IL1RAPL2: variants seen among roughly 807,000 people sequenced by gnomAD.
IL1RAPL2 encodes interleukin 1 receptor accessory protein like 2, also known as X-linked interleukin-1 receptor accessory protein-like 2.
IL1RAPL2 carries 3 observed loss-of-function variants against 44.1 expected under a neutral mutation model. That is an observed-to-expected ratio of 0.07 (90% CI 0.03 to 0.18). The LOEUF (loss-of-function observed/expected upper bound fraction) is 0.18, where lower values mean the gene tolerates loss of function less well. IL1RAPL2 is among the 10% of genes least tolerant of loss of function. The pLI is 1.00. For synonymous variants in IL1RAPL2, 181 were observed against 178.8 expected, an observed-to-expected ratio of 1.01 and a Z score of -0.10; for missense variants, 391 against 496.4, an observed-to-expected ratio of 0.79 and a Z score of 2.02.
chrX:105,240,563 C>T (rs1179263727), intron 4 of IL1RAPL2, among the ~76,000 whole-genome samples: 2 of 111,633 alleles, frequency 1.8e-5, no homozygotes, highest in Non-Finnish European at 3.8e-5. Flanking sequence ...CCTTTCCAAC[C>T]TTCTAAAAGA....
intron 2 of IL1RAPL2, among the ~76,000 whole-genome samples, chrX:104,879,365 T>TAAAAAAAAAA (rs753494292): frequency 3.2e-5 from 1 of 31,029 alleles, no homozygotes; most frequent in Non-Finnish European, 5.5e-5. Context: ...GCAAAACTAG[T>TAAAAAAAAAA]AAAAAAAAAA....
At chrX:104,845,498 G>C (rs1206358870) in intron 2 of IL1RAPL2, among the ~76,000 whole-genome samples, 1 of 111,957 alleles carries the variant, frequency 8.9e-6, no homozygotes, top group Non-Finnish European at 1.9e-5. Flanking sequence ...GAAAAAATGA[G>C]GATTACATAA....
chrX:105,051,017 G>A (rs1569370266), intron 2 of IL1RAPL2, among the ~76,000 whole-genome samples: 1 of 112,412 alleles, frequency 8.9e-6, no homozygotes, highest in Admixed American at 9.3e-5. Flanking sequence ...TGATTGGTCC[G>A]AGGGAAGCCA....
chrX:104,642,563 C>T (rs1196098437), intron 1 of IL1RAPL2, among the ~76,000 whole-genome samples: 1 of 110,718 alleles, frequency 9.0e-6, no homozygotes, highest in Non-Finnish European at 1.9e-5. Context: ...CGGCTCACTG[C>T]AACCTCCACC....
intron 2 of IL1RAPL2, among the ~76,000 whole-genome samples, chrX:104,710,137 T>C (rs1226313748): frequency 1.8e-5 from 2 of 110,981 alleles, no homozygotes; most frequent in Admixed American, 1.9e-4. Flanking sequence ...CTCTTAGATA[T>C]ATATGTGAAA....
intron 2 of IL1RAPL2, among the ~76,000 whole-genome samples, chrX:104,950,492 G>A (rs1255970609): frequency 8.9e-6 from 1 of 112,462 alleles, no homozygotes; most frequent in Non-Finnish European, 1.9e-5. Context: ...GCTGTGGTGG[G>A]CTCCACCCAT....
At chrX:104,991,809 C>T (rs1019934559) in intron 2 of IL1RAPL2, among the ~76,000 whole-genome samples, 2 of 111,675 alleles carry the variant, frequency 1.8e-5, no homozygotes, top group South Asian at 7.5e-4. Context: ...ATTATAAAAG[C>T]ATGCTGTGAT....
chrX:105,255,575 G>T (rs757127613), intron 4 of IL1RAPL2, among the ~76,000 whole-genome samples: 11 of 111,932 alleles, frequency 9.8e-5, no homozygotes, highest in Non-Finnish European at 1.5e-4. Context: ...GGGTTTTCTA[G>T]ATATAGAATC....
chrX:104,998,959 C>T (rs758383625), intron 2 of IL1RAPL2, among the ~76,000 whole-genome samples: 3 of 111,379 alleles, frequency 2.7e-5, no homozygotes, highest in Non-Finnish European at 5.7e-5. Context: ...TGCCACCATG[C>T]CTGGCTAACA....
chrX:105,350,557 C>T (rs2035145023), intron 5 of IL1RAPL2, among the ~76,000 whole-genome samples: 1 of 111,403 alleles, frequency 9.0e-6, no homozygotes, highest in Non-Finnish European at 1.9e-5. Flanking sequence ...AACCCCGTCT[C>T]CACTAAAATT....
intron 2 of IL1RAPL2, among the ~76,000 whole-genome samples, chrX:104,967,004 G>A (rs5916846): frequency 0.34 from 37,620 of 111,417 alleles, 5,488 homozygotes; most frequent in East Asian, 0.46. Context: ...GCCAGTCTTG[G>A]CCCATAGGCT....
intron 2 of IL1RAPL2, among the ~76,000 whole-genome samples, chrX:104,731,810 G>A (rs1185430083): frequency 2.7e-5 from 3 of 111,461 alleles, no homozygotes; most frequent in Non-Finnish European, 5.7e-5. Flanking sequence ...ATAGAACTCT[G>A]GGCCCAATAA....
chrX:104,984,806 G>A (rs1472199339), intron 2 of IL1RAPL2, among the ~76,000 whole-genome samples: 2 of 111,702 alleles, frequency 1.8e-5, no homozygotes, highest in Non-Finnish European at 3.8e-5. Flanking sequence ...AGGGATGAAC[G>A]TGATCTCTTG....
intron 2 of IL1RAPL2, among the ~76,000 whole-genome samples, chrX:104,843,351 C>T (rs1832993): frequency 0.43 from 47,494 of 110,133 alleles, 7,444 homozygotes; most frequent in East Asian, 0.46. Flanking sequence ...TCTGTGGGAG[C>T]GGGACCCACT....
At chrX:105,356,350 C>G (rs2035203004) in intron 5 of IL1RAPL2, among the ~76,000 whole-genome samples, 1 of 111,281 alleles carries the variant, frequency 9.0e-6, no homozygotes, top group East Asian at 2.8e-4. Flanking sequence ...TTTATTGATT[C>G]TCTTTCCAAC....
chrX:104,775,879 G>C (rs1397328349), intron 2 of IL1RAPL2, among the ~76,000 whole-genome samples: 4 of 110,023 alleles, frequency 3.6e-5, no homozygotes, highest in African/African-American at 1.3e-4. Flanking sequence ...GAGAGGGAGA[G>C]GGTAAGTGGG....
Position 105,130,372 on chromosome X carries a change from C to T in IL1RAPL2, c.83-65103C>T, listed in dbSNP as rs369563472. On this transcript the variant is annotated intron_variant, in intron 2 of 10. Transcript: ENST00000372582. ...CCTCCAGGTGATTCTGATGTATTAC[C>T]GCCGACCATTTGAGAAGTACTATTC... 2.2e-4 allele frequency among the ~76,000 whole-genome samples: 24 copies of T among 111,156 alleles called. No homozygotes were observed. The East Asian group carries it at 6.6e-3, about 30-fold the overall frequency.
intron 6 of IL1RAPL2, among the ~76,000 whole-genome samples, chrX:105,553,148 C>T (rs1029919627): frequency 1.8e-5 from 2 of 111,614 alleles, no homozygotes; most frequent in South Asian, 3.8e-4. Context: ...CTAGAGTCTC[C>T]TTAGAGAGGG....
chrX:104,609,655 T>C (rs1929105043), intron 1 of IL1RAPL2, among the ~76,000 whole-genome samples: 1 of 111,928 alleles, frequency 8.9e-6, no homozygotes, highest in Non-Finnish European at 1.9e-5. Flanking sequence ...TTTTGAAGCT[T>C]GTACATGCTT....
Sources: allele counts gnomAD v4.1 joint callset (sites outside exome capture counted in the v4.1 genomes callset), GRCh38; gene constraint gnomAD v4.1.1; transcripts MANE v1.5; gene names NCBI Gene and HGNC (gene_info 2026-07-23, HGNC 2026-07-21).